Variants in MYRFL observed in about 807,000 individuals in gnomAD.
MYRFL encodes the protein myelin regulatory factor-like protein.
A neutral mutation model predicts 109.4 loss-of-function variants in MYRFL; 88 were observed. The observed-to-expected ratio is 0.80, with a 90% CI of 0.68 to 0.96. The LOEUF (loss-of-function observed/expected upper bound fraction) is 0.96. Ranked by LOEUF, MYRFL falls within the 40% of genes least tolerant of loss-of-function variation. MYRFL has a pLI of 0.00. For missense variants in MYRFL, 957 were observed against 954.9 expected (o/e 1.00, Z -0.03); for synonymous variants, 324 against 320.9 (o/e 1.01, Z -0.10).
chr12:69,945,986 CAAAAAAA>C (rs56988555), intron 19 of MYRFL, among the ~76,000 whole-genome samples: 5 of 42,328 alleles, frequency 1.2e-4, no homozygotes, highest in East Asian at 7.7e-4. Flanking sequence ...GACTCCGTCT[CAAAAAAA>C]AAAAAAAAAA....
chr12:69,948,218 G>T (rs780226505), intron 19 of MYRFL, among the ~76,000 whole-genome samples: 2 of 152,154 alleles, frequency 1.3e-5, no homozygotes, highest in Non-Finnish European at 2.9e-5. Flanking sequence ...TTTCAGAGAA[G>T]TGTCAAATGG....
At chr12:69,943,019 A>G (rs1223525764) in intron 19 of MYRFL, among the ~76,000 whole-genome samples, 2 of 150,846 alleles carry the variant, frequency 1.3e-5, no homozygotes, top group African/African-American at 4.9e-5. Context: ...ACCGCTGCTC[A>G]AGGAAATAAA....
Position 69,927,684 on chromosome 12 carries a change from G to A in MYRFL, c.1767-1G>A, listed in dbSNP as rs377048469. 2.1e-5 allele frequency: 32 copies of A among 1,531,998 alleles called. No homozygotes were observed. Among genetic ancestry groups the A allele is most frequent in the East Asian group, 1.7e-4 (7 of 40,822 alleles). The allele number at this position is 1,531,998 out of a possible 1,614,324, so 94.9% of individuals were successfully genotyped here. A position where few individuals can be genotyped will look rare whatever the true frequency, so the allele number is the denominator to read the frequency against. On this transcript the variant is annotated splice_acceptor_variant, in intron 14 of 24. Transcript: ENST00000552032. LOFTEE classifies it high-confidence loss of function. ...TAACCAATTTTCTCTCTCTTTTAAA[G>A]CAAATCTAGCAGAGCCGTTAGTGCA...
chr12:69,839,193 A>T (rs1883110174), intron 1 of MYRFL, among the ~76,000 whole-genome samples: 4 of 152,200 alleles, frequency 2.6e-5, no homozygotes, highest in Admixed American at 2.6e-4. Flanking sequence ...ATTAGTTCAG[A>T]TAGAGGAGGA....
chr12:69,847,688 A>G (rs1298897280), intron 1 of MYRFL, among the ~76,000 whole-genome samples: 4 of 152,160 alleles, frequency 2.6e-5, no homozygotes, highest in African/African-American at 7.2e-5. Flanking sequence ...GAAAAAGAAA[A>G]AAGCTTTAGT....
intron 1 of MYRFL, among the ~76,000 whole-genome samples, chr12:69,831,827 C>A (rs17813725): frequency 1.3e-5 from 2 of 151,950 alleles, no homozygotes; most frequent in Non-Finnish European, 2.9e-5. Flanking sequence ...TTATTCCTTA[C>A]CTTGTTTATT....
intron 19 of MYRFL, among the ~76,000 whole-genome samples, chr12:69,948,971 C>G (rs1262515360): frequency 6.6e-6 from 1 of 152,166 alleles, no homozygotes; most frequent in Non-Finnish European, 1.5e-5. Context: ...TTTCCTTACT[C>G]TTTCCCTGGC....
At chr12:69,877,199 A>G (rs768447649) in intron 2 of MYRFL, among the ~76,000 whole-genome samples, 2 of 151,038 alleles carry the variant, frequency 1.3e-5, no homozygotes, top group Non-Finnish European at 3.0e-5. Context: ...CATTTTTTGT[A>G]TTTTTAGTAG....
intron 1 of MYRFL, among the ~76,000 whole-genome samples, chr12:69,846,993 C>G (rs1883597101): frequency 6.6e-6 from 1 of 151,944 alleles, no homozygotes. Context: ...GCATAAATGT[C>G]TTCTTTTGAG....
At chr12:69,831,889 A>G (rs1356040597) in intron 1 of MYRFL, among the ~76,000 whole-genome samples, 1 of 152,144 alleles carries the variant, frequency 6.6e-6, no homozygotes, top group Non-Finnish European at 1.5e-5. Context: ...CTCTAAATTT[A>G]ATGTTTTATT....
chr12:69,840,869 C>T (rs1301534371), intron 1 of MYRFL, among the ~76,000 whole-genome samples: 1 of 152,172 alleles, frequency 6.6e-6, no homozygotes, highest in Non-Finnish European at 1.5e-5. Context: ...TGGGGGTTGC[C>T]ATCCTGTTAC....
chr12:69,869,990 C>T (rs905557867), intron 2 of MYRFL, among the ~76,000 whole-genome samples: 15 of 151,974 alleles, frequency 9.9e-5, no homozygotes, highest in Admixed American at 2.6e-4. Context: ...ATTGTTTCTC[C>T]GTTCATCCTC....
chr12:69,875,919 A>G (rs1377083533), intron 2 of MYRFL, among the ~76,000 whole-genome samples: 1 of 152,118 alleles, frequency 6.6e-6, no homozygotes, highest in African/African-American at 2.4e-5. Context: ...AGAAGAGTAT[A>G]CTTTTGTTTT....
At chr12:69,950,563 G>A (rs1302259559) in intron 19 of MYRFL, among the ~76,000 whole-genome samples, 3 of 152,072 alleles carry the variant, frequency 2.0e-5, no homozygotes, top group Admixed American at 6.6e-5. Flanking sequence ...CTTCATATGA[G>A]CCAGGCTTCA....
intron 19 of MYRFL, among the ~76,000 whole-genome samples, chr12:69,943,755 A>C (rs11177980): frequency 0.19 from 25,406 of 133,440 alleles, 2,408 homozygotes; most frequent in East Asian, 0.37. Context: ...CAACCTACAA[A>C]ATGGGAGAAA....
chr12:69,954,780 C>T (rs1956057893), intron 21 of MYRFL, among the ~76,000 whole-genome samples: 1 of 152,098 alleles, frequency 6.6e-6, no homozygotes, highest in Non-Finnish European at 1.5e-5. Context: ...AAAGGAATTT[C>T]CCTTTTATCC....
Position 69,855,338 on chromosome 12 carries a change from A to C in MYRFL, c.105A>C (p.Glu35Asp). 1 of 702,690 alleles carries C rather than the reference A, an allele frequency of 1.4e-6. No homozygotes were observed. Among genetic ancestry groups the C allele is most frequent in the Admixed American group, 2.0e-5 (1 of 50,012 alleles). The allele number at this position is 702,690 out of a possible 1,614,324, so 43.5% of individuals were successfully genotyped here. A position where few individuals can be genotyped will look rare whatever the true frequency, so the allele number is the denominator to read the frequency against. Residue 35 changes from glutamate to aspartate, a missense_variant, in exon 2 of 25, where the codon GAA becomes GAC. Coordinates refer to ENST00000552032, the MANE Select transcript of MYRFL (RefSeq NM_182530.3). ...CCCTGGACACAAGTCTGTTGGAGGA[A>C]TTTCTGGGCAATGACTTTGATTTGG... is the stretch of plus-strand genomic sequence containing the variant. Reference protein sequence around the residue: ...NPALDTSLLEEFLGNDFDLGA... With the variant: ...NPALDTSLLEDFLGNDFDLGA...
chr12:69,945,871 C>T (rs532367619), intron 19 of MYRFL, among the ~76,000 whole-genome samples: 1 of 147,438 alleles, frequency 6.8e-6, no homozygotes, highest in Admixed American at 6.8e-5. Context: ...CCTGTAGTCC[C>T]AGCTACTTGG....
intron 15 of MYRFL, among the ~76,000 whole-genome samples, chr12:69,929,421 G>GGAGGTTTATGAGAGTT (rs1245102190): frequency 6.6e-6 from 1 of 152,216 alleles, no homozygotes; most frequent in Non-Finnish European, 1.5e-5. Flanking sequence ...CAGAGTGCCA[G>GGAGGTTTATGAGAGTT]GAGGTTTATG....
Sources: allele counts gnomAD v4.1 joint callset (sites outside exome capture counted in the v4.1 genomes callset), GRCh38; gene constraint gnomAD v4.1.1; transcripts MANE v1.5; gene names NCBI Gene and HGNC (gene_info 2026-07-23, HGNC 2026-07-21).